The following MS4A14 variants were observed in gnomAD, a reference collection of about 807,000 sequenced individuals.
The protein encoded by MS4A14 is membrane-spanning 4-domains subfamily A member 14.
In MS4A14, 18 loss-of-function variants were observed where a neutral mutation model predicts 16.7. That is an observed-to-expected ratio of 1.08 (90% CI 0.75 to 1.60). The LOEUF (loss-of-function observed/expected upper bound fraction) is 1.60, where lower values mean the gene tolerates loss of function less well. MS4A14 is among the 40% of genes most tolerant of loss of function. The pLI, the probability that MS4A14 is intolerant of heterozygous loss-of-function variation, is 0.00. For synonymous variants in MS4A14, 305 were observed against 289.4 expected (o/e 1.05, Z -0.55); for missense variants, 812 against 775.3 (o/e 1.05, Z -0.56).
chr11:60,402,919 G>T lies in MS4A14; in HGVS notation c.326G>T (p.Gly109Val), dbSNP rs759369417. ...TDKKSKLLGQ[G>V]VTGMNVISSL... ...TTTTAAACTATCTTTCAGGGTCAAG[G>T]TGTCACGGGCATGAATGTTATCAGC... The change falls in exon 4 of 5, where the codon GGT becomes GTT. Residue 109 changes from glycine to valine, a missense_variant. Gly to Val is a moderately radical substitution (Grantham distance 109). Transcript: ENST00000300187. 6.2e-7 allele frequency: 1 copy of T among 1,613,458 alleles called. No individual in the cohort carries two copies. Among genetic ancestry groups the T allele is most frequent in the Admixed American group, 1.7e-5 (1 of 59,974 alleles).
chr11:60,414,838 CTATGCCTGAG>C (rs2085915503), intron 4 of MS4A14, among the ~76,000 whole-genome samples: 1 of 152,088 alleles, frequency 6.6e-6, no homozygotes, highest in Non-Finnish European at 1.5e-5. Flanking sequence ...ATCTTACCGT[CTATGCCTGAG>C]TAATTCCTAC....
intron 4 of MS4A14, among the ~76,000 whole-genome samples, chr11:60,406,613 A>T (rs114386550): frequency 3.4e-3 from 517 of 152,356 alleles, no homozygotes; most frequent in Middle Eastern, 0.014. Context: ...CTGCTCACTA[A>T]GTCCCAAATA....
rs149308789 is a variant in MS4A14 at position 60,400,996 on chromosome 11, C to T, written c.318+542C>T. The stretch of plus-strand genomic sequence containing the variant: ...TCCTAGCCCTATCTCCAATACCAAC[C>T]GAGGCTTTTCTTTAGATCCTGCCCA... On this transcript the variant is annotated intron_variant, in intron 3 of 4. Coordinates refer to ENST00000300187, the MANE Select transcript of MS4A14 (RefSeq NM_032597.5). Among the ~76,000 whole-genome samples, 8 of 152,250 alleles carry T rather than the reference C, an allele frequency of 5.3e-5. No individual in the cohort carries two copies. The South Asian group carries it at 1.0e-3, about 20-fold the overall frequency.
At chr11:60,408,107 GA>G (rs1257547432) in intron 4 of MS4A14, among the ~76,000 whole-genome samples, 1 of 152,138 alleles carries the variant, frequency 6.6e-6, no homozygotes, top group Non-Finnish European at 1.5e-5. Flanking sequence ...CCCTCATGGA[GA>G]TATCCAGTTG....
chr11:60,406,465 G>A (rs1328399026), intron 4 of MS4A14, among the ~76,000 whole-genome samples: 1 of 152,114 alleles, frequency 6.6e-6, no homozygotes, highest in Non-Finnish European at 1.5e-5. Context: ...TAATCACTGA[G>A]CACCAACTTA....
intron 4 of MS4A14, among the ~76,000 whole-genome samples, chr11:60,414,918 C>T (rs1021436385): frequency 1.6e-4 from 24 of 152,058 alleles, no homozygotes; most frequent in Admixed American, 1.2e-3. Flanking sequence ...CAGGTTGTCT[C>T]AGAATTAGGT....
intron 4 of MS4A14, chr11:60,404,465 A>G: frequency 2.3e-6 from 1 of 443,954 alleles, no homozygotes; most frequent in Non-Finnish European, 4.5e-6. Flanking sequence ...TGTAAAACGT[A>G]TGATGATTAA....
intron 3 of MS4A14, among the ~76,000 whole-genome samples, chr11:60,401,659 A>G (rs894719067): frequency 2.6e-5 from 4 of 152,186 alleles, no homozygotes; most frequent in Non-Finnish European, 5.9e-5. Context: ...TTCCTACAGC[A>G]CAAAAGTATA....
intron 2 of MS4A14, 114 bp from the exon 3 acceptor site, chr11:60,400,290 A>G (rs538193726): frequency 9.6e-6 from 6 of 625,132 alleles, no homozygotes; most frequent in Non-Finnish European, 1.7e-5. Context: ...CAGGTGGAAA[A>G]ACGGGATGGT....
chr11:60,412,978 A>G (rs2085889460), intron 4 of MS4A14, among the ~76,000 whole-genome samples: 3 of 151,946 alleles, frequency 2.0e-5, no homozygotes, highest in Non-Finnish European at 2.9e-5. Context: ...ATCCATGTCC[A>G]TGAAACATGT....
Position 60,415,706 on chromosome 11 carries a change from A to T in MS4A14, c.738A>T (p.Glu246Asp). 7.4e-6 allele frequency: 12 copies of T among 1,613,966 alleles called. No homozygotes were observed. Among genetic ancestry groups the T allele is most frequent in the Non-Finnish European group, 9.3e-6 (11 of 1,179,890 alleles). ...SILPSPKFSE[E>D]EIEPLPPTLE... is the part of the protein sequence containing the mutation. ...TTCCATCTCCCAAATTTTCAGAGGA[A>T]GAAATTGAACCTTTGCCTCCCACAC... The change falls in exon 5 of 5, where the codon GAA (glutamate) becomes GAT (aspartate). Residue 246 changes from glutamate (E) to aspartate (D), a missense_variant. By Grantham distance (45) the Glu-to-Asp change is conservative. Coordinates refer to ENST00000300187, the MANE Select transcript of MS4A14 (RefSeq NM_032597.5).
intron 4 of MS4A14, among the ~76,000 whole-genome samples, chr11:60,410,572 G>A (rs1298576258): frequency 1.8e-4 from 28 of 152,084 alleles, no homozygotes; most frequent in Non-Finnish European, 1.0e-4. Context: ...TATGGTTTTA[G>A]CTCTTAGGCT....
chr11:60,399,246 G>A (rs2085674820), intron 2 of MS4A14, among the ~76,000 whole-genome samples: 1 of 152,198 alleles, frequency 6.6e-6, no homozygotes, highest in South Asian at 2.1e-4. Context: ...CAGGTGCGAT[G>A]TGAGGGTTTA....
chr11:60,397,804 A>C (rs771326218), intron 1 of MS4A14, 48 bp from the exon 2 acceptor site: 4 of 1,595,212 alleles, frequency 2.5e-6, no homozygotes, highest in Admixed American at 1.7e-5. Context: ...GGTAGCCCAC[A>C]GGGTCTTGGA....
intron 3 of MS4A14, among the ~76,000 whole-genome samples, chr11:60,402,607 T>G (rs1254843187): frequency 6.6e-6 from 1 of 152,192 alleles, no homozygotes; most frequent in African/African-American, 2.4e-5. Context: ...AGATATTTGC[T>G]AACACATTGT....
chr11:60,398,023 G>T (rs1456069574), intron 2 of MS4A14, 43 bp downstream of exon 2: 1 of 1,601,620 alleles, frequency 6.2e-7, no homozygotes, highest in Non-Finnish European at 8.5e-7. Flanking sequence ...TTGCTATAAA[G>T]ATAGATTTGA....
At chr11:60,414,343 G>A (rs1043846726) in intron 4 of MS4A14, among the ~76,000 whole-genome samples, 2 of 152,036 alleles carry the variant, frequency 1.3e-5, no homozygotes, top group Non-Finnish European at 2.9e-5. Context: ...TAGAAGAATG[G>A]GAAATGCAAT....
At chr11:60,408,618 T>C (rs2085823114) in intron 4 of MS4A14, among the ~76,000 whole-genome samples, 1 of 152,234 alleles carries the variant, frequency 6.6e-6, no homozygotes, top group Non-Finnish European at 1.5e-5. Flanking sequence ...TTAATCCATG[T>C]TGTAGCATAT....
intron 4 of MS4A14, among the ~76,000 whole-genome samples, chr11:60,414,542 G>A (rs988715662): frequency 7.9e-5 from 12 of 152,096 alleles, no homozygotes; most frequent in Admixed American, 1.3e-4. Flanking sequence ...AGCAGGTTGT[G>A]CTGCAGTAAC....
Sources: allele counts gnomAD v4.1 joint callset (sites outside exome capture counted in the v4.1 genomes callset), GRCh38; gene constraint gnomAD v4.1.1; transcripts MANE v1.5; gene names NCBI Gene and HGNC (gene_info 2026-07-23, HGNC 2026-07-21).